Variants in SLCO4A1 observed in about 807,000 individuals in gnomAD.
SLCO4A1 encodes colon organic anion transporter.
In SLCO4A1, 51 loss-of-function variants were observed where a neutral mutation model predicts 64.6. The observed-to-expected ratio is 0.79, with a 90% CI of 0.63 to 1.00. The LOEUF (loss-of-function observed/expected upper bound fraction) is 1.00, where lower values mean the gene tolerates loss of function less well. SLCO4A1 is among the 50% of genes least tolerant of loss of function. The probability of loss-of-function intolerance (pLI) is 0.00; values close to 1 mark genes in which losing one functional copy is unlikely to be tolerated. For synonymous variants in SLCO4A1, 471 were observed against 444.9 expected, an observed-to-expected ratio of 1.06 and a Z score of -0.74; for missense variants, 919 against 980.5, an observed-to-expected ratio of 0.94 and a Z score of 0.84.
rs141418865 is a variant in SLCO4A1 at position 62,646,989 on chromosome 20, G to A, written c.-97+4436G>A. ...GTCCTTCTGGGCTGGCCCTGCTGCC[G>A]CACCCTGGCTCCCTCTTGCTCAGAC... On this transcript the variant is annotated intron_variant, in intron 1 of 11. Coordinates refer to ENST00000217159, the MANE Select transcript of SLCO4A1 (RefSeq NM_016354.4). Among the ~76,000 whole-genome samples the A allele has an allele frequency of 2.9e-3, 445 of 152,362 alleles. 3 individuals are homozygous for A. The highest frequency in any genetic ancestry group is 0.01 in the African/African-American group (436 of 41,582).
downstream of SLCO4A1, among the ~76,000 whole-genome samples, chr20:62,674,222 G>A (rs184104724): frequency 2.5e-4 from 38 of 152,322 alleles, no homozygotes; most frequent in East Asian, 3.1e-3. Flanking sequence ...TTCTGGTACC[G>A]GAGTGTGGGT....
intron 10 of SLCO4A1, 150 bp from the exon 11 acceptor site, chr20:62,668,780 G>A: frequency 1.2e-6 from 1 of 847,548 alleles, no homozygotes; most frequent in Non-Finnish European, 1.8e-6. Flanking sequence ...CCAAAGAAAG[G>A]AACGTTTAAG....
intron 1 of SLCO4A1, among the ~76,000 whole-genome samples, chr20:62,643,476 G>A (rs2147050870): frequency 6.6e-6 from 1 of 152,390 alleles, no homozygotes; most frequent in East Asian, 1.9e-4. Context: ...CAGGCTGGGG[G>A]GTGCCCCGCT....
intron 2 of SLCO4A1, among the ~76,000 whole-genome samples, chr20:62,681,253 A>T (rs908602011): frequency 6.6e-6 from 1 of 152,198 alleles, no homozygotes; most frequent in African/African-American, 2.4e-5. Context: ...ATACAAAGAG[A>T]TCCCTTGCAC....
chr20:62,668,754 C>T (rs1986827343), intron 10 of SLCO4A1, among the ~76,000 whole-genome samples, 176 bp from the exon 11 acceptor site: 1 of 152,174 alleles, frequency 6.6e-6, no homozygotes. Flanking sequence ...AAACTCGCAG[C>T]CCCAATGCCG....
chr20:62,648,467 G>A (rs1482763851), intron 1 of SLCO4A1, among the ~76,000 whole-genome samples: 2 of 151,730 alleles, frequency 1.3e-5, no homozygotes, highest in Non-Finnish European at 2.9e-5. Flanking sequence ...GGGCACATGG[G>A]CAGGCTCTGC....
downstream of SLCO4A1, among the ~76,000 whole-genome samples, chr20:62,686,180 C>T (rs553742534): frequency 2.6e-5 from 4 of 152,256 alleles, no homozygotes; most frequent in East Asian, 1.9e-4. Flanking sequence ...TGAGTGTCTC[C>T]GTGTAGCTCC....
chr20:62,667,957 G>T, intron 8 of SLCO4A1, 47 bp downstream of exon 8: 1 of 1,613,998 alleles, frequency 6.2e-7, no homozygotes, highest in Non-Finnish European at 8.5e-7. Flanking sequence ...CTGGACCCTG[G>T]GAAGGGGCCC....
intron 6 of SLCO4A1, 179 bp downstream of exon 6, chr20:62,665,267 C>T (rs996811425): frequency 2.0e-5 from 13 of 641,704 alleles, no homozygotes; most frequent in African/African-American, 5.5e-5. Flanking sequence ...GTCCACAGGC[C>T]GGGAGAGTGG....
At chr20:62,671,468 C>T (rs1601683027) in intron 11 of SLCO4A1, among the ~76,000 whole-genome samples, 1 of 152,366 alleles carries the variant, frequency 6.6e-6, no homozygotes, top group South Asian at 2.1e-4. Context: ...AAAAAAGGTC[C>T]CATTCACTGG....
rs189548334 is a variant in SLCO4A1 at position 62,680,622 on chromosome 20, G to C, written n.212-4819G>C. 2.4e-4 allele frequency among the ~76,000 whole-genome samples: 36 copies of C among 150,738 alleles called. No homozygotes were observed. In the East Asian group the frequency reaches 5.1e-3, roughly 21 times the overall value. On this transcript the variant is annotated intron_variant and non_coding_transcript_variant, in intron 2 of 2. Transcript: ENST00000466818. ...GTGTTGAGCTTTGATGGCCGTTTCTGAGTCTGTTGACACAATCCCACAGTA... is the reference window on the plus strand; with the variant it reads ...GTGTTGAGCTTTGATGGCCGTTTCTCAGTCTGTTGACACAATCCCACAGTA...
Position 62,661,184 on chromosome 20 carries a change from C to A in SLCO4A1, c.1121+9C>A. On this transcript the variant is annotated intron_variant, in intron 5 of 11. Coordinates refer to ENST00000217159, the MANE Select transcript of SLCO4A1 (RefSeq NM_016354.4). The surrounding 1 kb of genome is among the most constrained non-coding windows in gnomAD (Gnocchi z 5.2). ...ATCAGAGACCTGCCTCTGTAAGGAC[C>A]GGAGTCGGGAGGGTTCCTAGTGTCC... 6.3e-7 allele frequency: 1 copy of A among 1,599,398 alleles called. No homozygotes were observed. The highest frequency in any genetic ancestry group is 8.6e-7 in the Non-Finnish European group (1 of 1,167,400).
At chr20:62,670,780 C>T (rs1299486215) in intron 11 of SLCO4A1, among the ~76,000 whole-genome samples, 1 of 152,234 alleles carries the variant, frequency 6.6e-6, no homozygotes, top group East Asian at 1.9e-4. Context: ...GCGCATGCGT[C>T]CATGTTAATT....
chr20:62,667,569 C>T lies in SLCO4A1; in HGVS notation c.1473-176C>T, dbSNP rs1268747760. ...TGAGGAGGAAAAACCATTCTATCAC[C>T]AGAAGGCAGTGCCCAGTGTGAGTGC... is the stretch of plus-strand genomic sequence containing the variant. On this transcript the variant is annotated intron_variant, in intron 7 of 11. Coordinates refer to ENST00000217159, the MANE Select transcript of SLCO4A1 (RefSeq NM_016354.4). 10 of 695,412 alleles carry T rather than the reference C, an allele frequency of 1.4e-5. 1 individual carries two copies. The highest frequency in any genetic ancestry group is 3.8e-5 in the South Asian group (2 of 52,968). 43.1% of individuals were successfully genotyped at this position (695,412 alleles called of 1,614,324 possible).
Position 62,667,617 on chromosome 20 carries a change from A to G in SLCO4A1, c.1473-128A>G, listed in dbSNP as rs560647327. On this transcript the variant is annotated intron_variant, in intron 7 of 11. Transcript: ENST00000217159. Reference sequence around the variant, plus strand: ...TGCCCAGCGTGCTGGGGGCGGTGCAAGCTTGGCAAGTTTGTAGACCCGAAA... The same window carrying G: ...TGCCCAGCGTGCTGGGGGCGGTGCAGGCTTGGCAAGTTTGTAGACCCGAAA... 1.9e-5 allele frequency: 22 copies of G among 1,163,544 alleles called. No homozygotes were observed. In the African/African-American group the frequency reaches 3.4e-4, roughly 18 times the overall value. The allele number at this position is 1,163,544 out of a possible 1,614,324, so 72.1% of individuals were successfully genotyped here. A position where few individuals can be genotyped will look rare whatever the true frequency, so the allele number is the denominator to read the frequency against.
chr20:62,672,135 A>C lies in SLCO4A1; in HGVS notation c.*242A>C. On this transcript the variant is annotated 3_prime_UTR_variant, in exon 12 of 12. Transcript: ENST00000217159. ...AGTTTGCATCAGAACGTGTTTATAG[A>C]ATGTGTTTTATACCCGATCGTGTGT... 7.1e-7 allele frequency: 1 copy of C among 1,405,368 alleles called. No individual in the cohort carries two copies. Among genetic ancestry groups the C allele is most frequent in the South Asian group, 1.5e-5 (1 of 67,656 alleles). 87.1% of individuals were successfully genotyped at this position (1,405,368 alleles called of 1,614,324 possible).
chr20:62,678,214 C>T (rs1025722552), intron 2 of SLCO4A1, among the ~76,000 whole-genome samples: 11 of 152,116 alleles, frequency 7.2e-5, no homozygotes, highest in Non-Finnish European at 8.8e-5. Flanking sequence ...TGCAGCTGTG[C>T]ATAAGAAGGA....
At position 62,681,468 on chromosome 20, in the gene SLCO4A1, T is replaced by TTG. The variant is rs1987821782; in HGVS notation, n.212-3973_212-3972insTG. Among the ~76,000 whole-genome samples the TTG allele has an allele frequency of 1.1e-3, 72 of 66,110 alleles. 1 individual carries two copies. The Admixed American group carries it at 0.012, about 11-fold the overall frequency. 43.4% of individuals were successfully genotyped at this position (66,110 alleles called of 152,430 possible). A position where few individuals can be genotyped will look rare whatever the true frequency, so the allele number is the denominator to read the frequency against. ...TGTGTATTAAGCCGTGTGTACACAC[T>TTG]CGTGTGTGTGTTAAGCTGTGTGTAC... On this transcript the variant is annotated intron_variant and non_coding_transcript_variant, in intron 2 of 2. Coordinates refer to the SLCO4A1 transcript ENST00000466818.
At chr20:62,668,341 C>T (rs554427985) in intron 9 of SLCO4A1, 136 bp from the exon 10 acceptor site, 1 of 1,260,168 alleles carries the variant, frequency 7.9e-7, no homozygotes, top group South Asian at 1.2e-5. Flanking sequence ...TGTCTCTGAT[C>T]TCTGACGAGG....
Sources: allele counts gnomAD v4.1 joint callset (sites outside exome capture counted in the v4.1 genomes callset), GRCh38; gene constraint gnomAD v4.1.1; non-coding constraint Gnocchi (gnomAD v3.1); transcripts MANE v1.5; gene names NCBI Gene and HGNC (gene_info 2026-07-23, HGNC 2026-07-21).